The following WDR1 variants were observed in gnomAD, a reference collection of about 807,000 sequenced individuals.
The protein encoded by WDR1 is WD repeat-containing protein 1.
In WDR1, 21 loss-of-function variants were observed where a neutral mutation model predicts 71.9. That is an observed-to-expected ratio of 0.29 (90% CI 0.21 to 0.42). WDR1 has a LOEUF of 0.42. Ranked by LOEUF, WDR1 falls within the 10% of genes least tolerant of loss-of-function variation. WDR1 has a pLI of 1.00. For missense variants in WDR1, 696 were observed against 824.5 expected (o/e 0.84, Z 1.91); for synonymous variants, 424 against 347.4 (o/e 1.22, Z -2.45).
chr4:10,075,632 C>G, intron 14 of WDR1, 148 bp from the exon 15 acceptor site: 1 of 720,992 alleles, frequency 1.4e-6, no homozygotes, highest in Non-Finnish European at 2.4e-6. Context: ...GAGCCTGGCA[C>G]GGTGGCAGTG....
At chr4:10,108,700 C>CA (rs1402654572) in intron 2 of WDR1, among the ~76,000 whole-genome samples, 10 of 152,186 alleles carry the variant, frequency 6.6e-5, no homozygotes, top group Non-Finnish European at 1.3e-4. Context: ...TGAATGACAG[C>CA]AAAAAACCTC....
chr4:10,105,528 T>A (rs1712964227), intron 2 of WDR1, among the ~76,000 whole-genome samples: 1 of 152,220 alleles, frequency 6.6e-6, no homozygotes, highest in South Asian at 2.1e-4. Context: ...AAGCGCTCAG[T>A]GTCATTAGTC....
chr4:10,079,462 G>A (rs375542823), intron 11 of WDR1, among the ~76,000 whole-genome samples: 4 of 152,364 alleles, frequency 2.6e-5, no homozygotes, highest in African/African-American at 9.6e-5. Flanking sequence ...CGGTGCTTAT[G>A]CTGCACGCCC....
At chr4:10,085,725 T>C (rs1214003460) in intron 8 of WDR1, among the ~76,000 whole-genome samples, 3 of 152,244 alleles carry the variant, frequency 2.0e-5, no homozygotes, top group Non-Finnish European at 2.9e-5. Flanking sequence ...GTAAACTTAG[T>C]GCCTCTGGGG....
intron 2 of WDR1, among the ~76,000 whole-genome samples, chr4:10,111,218 C>T (rs1025914496): frequency 1.3e-5 from 2 of 152,194 alleles, no homozygotes; most frequent in African/African-American, 4.8e-5. Flanking sequence ...GAGCCACCTG[C>T]CACCACTGCA....
chr4:10,075,539 C>T, intron 14 of WDR1, 55 bp from the exon 15 acceptor site: 1 of 1,513,820 alleles, frequency 6.6e-7, no homozygotes, highest in South Asian at 1.2e-5. Context: ...CAACTATGTA[C>T]ATCTTGGACT....
rs149347869 is a variant in WDR1 at position 10,103,202 on chromosome 4, T to C, written c.229+694A>G. On this transcript the variant is annotated intron_variant, in intron 3 of 14. Coordinates refer to ENST00000499869, the MANE Select transcript of WDR1 (RefSeq NM_017491.5). ...GTGAGCGCTGGCCTGGAGGCCAGCA[T>C]TGTGGTAGCACTGGGAAAGGAGCAG... Among the ~76,000 whole-genome samples, 1,025 of 152,110 alleles carry C rather than the reference T, an allele frequency of 6.7e-3. 9 individuals are homozygous for C. Among genetic ancestry groups the C allele is most frequent in the African/African-American group, 0.023 (944 of 41,478 alleles).
rs1466971638 is a variant in WDR1, at chr4:10,074,578, A to C, written c.*800T>G. The C allele has an allele frequency of 6.6e-6, 1 of 152,642 alleles. No individual in the cohort carries two copies. Among genetic ancestry groups the C allele is most frequent in the Non-Finnish European group, 1.5e-5 (1 of 68,038 alleles). The allele number at this position is 152,642 out of a possible 1,614,324, so 9.5% of individuals were successfully genotyped here. ...GTGACTTCATCTTTGTCCTTAAATTAACCTTTGCTCTTGAGAGCAGAAGAG... is the reference window on the plus strand; with the variant it reads ...GTGACTTCATCTTTGTCCTTAAATTCACCTTTGCTCTTGAGAGCAGAAGAG... On this transcript the variant is annotated 3_prime_UTR_variant, in exon 15 of 15. Transcript: ENST00000499869.
intron 9 of WDR1, among the ~76,000 whole-genome samples, chr4:10,083,987 T>A (rs1765111239): frequency 6.6e-6 from 1 of 152,198 alleles, no homozygotes; most frequent in African/African-American, 2.4e-5. Context: ...GGCGGGCACA[T>A]CAGCTCTCTG....
intron 2 of WDR1, among the ~76,000 whole-genome samples, chr4:10,108,559 A>G (rs894155420): frequency 6.6e-6 from 1 of 152,214 alleles, no homozygotes; most frequent in African/African-American, 2.4e-5. Context: ...CAGTCAGGGC[A>G]CTGGCTTTGT....
intron 5 of WDR1, among the ~76,000 whole-genome samples, chr4:10,090,165 C>A (rs550460914): frequency 3.3e-4 from 50 of 152,292 alleles, no homozygotes; most frequent in Non-Finnish European, 5.4e-4. Flanking sequence ...CTTCTGACTT[C>A]CAGAGAATAA....
intron 8 of WDR1, among the ~76,000 whole-genome samples, chr4:10,085,503 T>G (rs2109651056): frequency 6.6e-6 from 1 of 152,278 alleles, no homozygotes; most frequent in South Asian, 2.1e-4. Flanking sequence ...CACCAGTCCC[T>G]TACAGCGCGG....
chr4:10,077,973 C>T (rs1403934144), intron 12 of WDR1, 47 bp from the exon 13 acceptor site: 10 of 1,519,774 alleles, frequency 6.6e-6, no homozygotes, highest in African/African-American at 4.2e-5. Flanking sequence ...AACACACACA[C>T]CACACCCATC....
rs1194969616 is a variant in WDR1 at position 10,084,467 on chromosome 4, A to T, written c.1015T>A (p.Ser339Thr). The change falls in exon 9 of 15, where the codon TCT becomes ACT. Residue 339 changes from serine (S) to threonine (T), a missense_variant. Transcript: ENST00000499869. ...HKNGGKSYIY[S>T]GSHDGHINYW... Reference sequence around the variant, plus strand: ...TTAATGTGTCCGTCGTGGCTCCCAGAGTAAATGTAGGACTTGCCGCCGTTT... The same window carrying T: ...TTAATGTGTCCGTCGTGGCTCCCAGTGTAAATGTAGGACTTGCCGCCGTTT... 1 of 1,613,784 alleles carries T rather than the reference A, an allele frequency of 6.2e-7. No homozygotes were observed. The highest frequency in any genetic ancestry group is 8.5e-7 in the Non-Finnish European group (1 of 1,179,822).
At chr4:10,090,674 AG>A (rs1711910540) in intron 5 of WDR1, among the ~76,000 whole-genome samples, 1 of 152,228 alleles carries the variant, frequency 6.6e-6, no homozygotes, top group Admixed American at 6.5e-5. Flanking sequence ...GGCTGGACAC[AG>A]GCCCAGCAGG....
intron 2 of WDR1, among the ~76,000 whole-genome samples, chr4:10,107,354 G>T (rs892454363): frequency 2.6e-5 from 4 of 152,180 alleles, no homozygotes; most frequent in Non-Finnish European, 5.9e-5. Flanking sequence ...CAGTCCTCCT[G>T]TTCTTCCTGG....
intron 2 of WDR1, among the ~76,000 whole-genome samples, chr4:10,104,915 C>T (rs1268500772): frequency 2.0e-5 from 3 of 152,186 alleles, no homozygotes; most frequent in African/African-American, 7.2e-5. Flanking sequence ...AGCATGACCC[C>T]ACCTGCTGCC....
intron 14 of WDR1, chr4:10,076,171 T>TA (rs1191578406): frequency 6.6e-6 from 1 of 152,522 alleles, no homozygotes; most frequent in Non-Finnish European, 1.5e-5. Flanking sequence ...CAGCCCCACC[T>TA]AGACAGGGTG....
chr4:10,114,139 G>A (rs1372391565), intron 2 of WDR1, among the ~76,000 whole-genome samples: 7 of 152,206 alleles, frequency 4.6e-5, no homozygotes, highest in Admixed American at 4.6e-4. Context: ...CTCAGTGCCT[G>A]ATCTACATCC....
Sources: gnomAD v4.1 joint callset for allele counts (sites outside exome capture counted in the v4.1 genomes callset) on GRCh38, gnomAD v4.1.1 for gene constraint, MANE v1.5 for transcripts, NCBI Gene and HGNC (gene_info 2026-07-23, HGNC 2026-07-21) for gene names.